EXOC4: variants seen among roughly 807,000 people sequenced by gnomAD.
EXOC4 encodes SEC8-like 1.
Under a neutral mutation model 107.2 loss-of-function variants are expected in EXOC4, and 71 were observed. That is an observed-to-expected ratio of 0.66 (90% confidence interval 0.55 to 0.81). EXOC4 has a LOEUF of 0.81. EXOC4 is among the 30% of genes least tolerant of loss of function. EXOC4 has a pLI of 0.00. For synonymous variants in EXOC4, 456 were observed against 441.2 expected, an observed-to-expected ratio of 1.03 and a Z score of -0.42; for missense variants, 1,108 against 1,189.6, an observed-to-expected ratio of 0.93 and a Z score of 1.01.
chr7:133,812,798 A>G (rs992225485), intron 10 of EXOC4, among the ~76,000 whole-genome samples: 1 of 152,102 alleles, frequency 6.6e-6, no homozygotes, highest in Non-Finnish European at 1.5e-5. Flanking sequence ...ACACATTGTT[A>G]CTAACTATAG....
chr7:133,869,150 A>G (rs1798702042), intron 11 of EXOC4, among the ~76,000 whole-genome samples: 1 of 151,960 alleles, frequency 6.6e-6, no homozygotes, highest in South Asian at 2.1e-4. Context: ...AACGGCACTC[A>G]TATATACCTC....
chr7:133,620,830 G>A (rs776161378), intron 9 of EXOC4, among the ~76,000 whole-genome samples: 14 of 152,206 alleles, frequency 9.2e-5, no homozygotes, highest in Non-Finnish European at 1.6e-4. Context: ...GTTAAAGAGT[G>A]GAAAGAGAAG....
intron 4 of EXOC4, among the ~76,000 whole-genome samples, chr7:133,309,168 G>A (rs867488813): frequency 7.2e-5 from 11 of 152,174 alleles, no homozygotes; most frequent in Middle Eastern, 3.4e-3. Context: ...TCTAGCCCTG[G>A]GTGGGGTGCC....
chr7:133,794,266 C>A (rs183329295), intron 10 of EXOC4, among the ~76,000 whole-genome samples: 1 of 152,094 alleles, frequency 6.6e-6, no homozygotes, highest in East Asian at 1.9e-4. Context: ...CATGTACATT[C>A]GGGAGACATC....
At chr7:133,750,788 C>A (rs1795779903) in intron 10 of EXOC4, among the ~76,000 whole-genome samples, 1 of 152,022 alleles carries the variant, frequency 6.6e-6, no homozygotes, top group African/African-American at 2.4e-5. Context: ...CCTATGTTGC[C>A]CAAGCTGGTC....
At chr7:133,801,414 C>T (rs937179241) in intron 10 of EXOC4, among the ~76,000 whole-genome samples, 1 of 152,140 alleles carries the variant, frequency 6.6e-6, no homozygotes, top group South Asian at 2.1e-4. Flanking sequence ...CTAAATGAGG[C>T]TCTTCTTCAA....
At chr7:133,596,886 T>G (rs1270085069) in intron 9 of EXOC4, among the ~76,000 whole-genome samples, 1 of 152,200 alleles carries the variant, frequency 6.6e-6, no homozygotes, top group African/African-American at 2.4e-5. Flanking sequence ...TGCTTGTATC[T>G]ATTTATGGCC....
intron 10 of EXOC4, among the ~76,000 whole-genome samples, chr7:133,696,059 G>A (rs1483362418): frequency 6.6e-6 from 1 of 152,162 alleles, no homozygotes; most frequent in Admixed American, 6.5e-5. Flanking sequence ...GGCATTTAAA[G>A]CATGACAGTG....
chr7:133,395,639 G>T (rs1432190951), intron 7 of EXOC4, among the ~76,000 whole-genome samples: 1 of 151,956 alleles, frequency 6.6e-6, no homozygotes. Flanking sequence ...GAGTTTTACT[G>T]CTCAGTAGAA....
At chr7:133,677,416 G>A (rs1273612048) in intron 10 of EXOC4, among the ~76,000 whole-genome samples, 1 of 151,980 alleles carries the variant, frequency 6.6e-6, no homozygotes, top group Non-Finnish European at 1.5e-5. Context: ...CACAGAGAAT[G>A]TATACTAGAA....
rs901273147 is a variant in EXOC4 at position 133,326,945 on chromosome 7, G to A, written c.763+9555G>A. On this transcript the variant is annotated intron_variant, in intron 5 of 17. Coordinates refer to ENST00000253861, the MANE Select transcript of EXOC4 (RefSeq NM_021807.4). ...CCCCAGCCTTGCTGCTGCCTTGCAG[G>A]TCAATCTCAGACTGCTGTGCTAGCA... 2.6e-5 allele frequency among the ~76,000 whole-genome samples: 4 copies of A among 152,318 alleles called. No individual in the cohort carries two copies. In the South Asian group the frequency reaches 6.2e-4, roughly 24 times the overall value.
chr7:134,046,947 T>C (rs964320100), intron 17 of EXOC4, among the ~76,000 whole-genome samples: 2 of 152,168 alleles, frequency 1.3e-5, no homozygotes, highest in Non-Finnish European at 2.9e-5. Context: ...GGACTCCTAA[T>C]TGTGACAAAG....
chr7:133,530,404 G>A (rs1279828511), intron 9 of EXOC4, among the ~76,000 whole-genome samples: 2 of 152,134 alleles, frequency 1.3e-5, no homozygotes, highest in African/African-American at 4.8e-5. Context: ...ACACACCTAG[G>A]CTACATGGTT....
At chr7:133,919,878 T>C (rs2116646493) in intron 13 of EXOC4, among the ~76,000 whole-genome samples, 1 of 152,328 alleles carries the variant, frequency 6.6e-6, no homozygotes, top group South Asian at 2.1e-4. Context: ...TGGATGCAGG[T>C]TTTTAACTCA....
the EXOC4 span, among the ~76,000 whole-genome samples, chr7:134,077,717 G>A: frequency 6.6e-6 from 1 of 152,216 alleles, no homozygotes; most frequent in East Asian, 1.9e-4. Context: ...AGACAGGATT[G>A]CACATGACTG....
In EXOC4 at chr7:133,274,966, T is replaced by C; in HGVS notation, c.87-16T>C. 1 of 1,564,254 alleles carries C rather than the reference T, an allele frequency of 6.4e-7. No homozygotes were observed. Among genetic ancestry groups the C allele is most frequent in the South Asian group, 1.2e-5 (1 of 82,442 alleles). On this transcript the variant is annotated splice_polypyrimidine_tract_variant and intron_variant, in intron 1 of 17. Coordinates refer to ENST00000253861, the MANE Select transcript of EXOC4 (RefSeq NM_021807.4). The stretch of plus-strand genomic sequence containing the variant: ...TCAAGTTTTACTTAGCTTGATATAC[T>C]CTCTGCCTTCACCAGGACTCTGTCT...
intron 11 of EXOC4, among the ~76,000 whole-genome samples, chr7:133,844,812 C>T (rs540797708): frequency 1.1e-4 from 17 of 152,094 alleles, no homozygotes; most frequent in Non-Finnish European, 1.3e-4. Context: ...GTGTTTGTAA[C>T]CAAGCTTAGA....
intron 7 of EXOC4, 131 bp downstream of exon 7, chr7:133,375,133 C>A (rs1408130752): frequency 5.5e-6 from 4 of 730,832 alleles, no homozygotes; most frequent in Non-Finnish European, 6.5e-6. Context: ...GTAATGCTTG[C>A]ATTTGAATGT....
chr7:133,280,096 TACAGGC>T (rs1475514638), intron 2 of EXOC4, among the ~76,000 whole-genome samples: 1 of 152,150 alleles, frequency 6.6e-6, no homozygotes, highest in Admixed American at 6.5e-5. Context: ...TAGGTGGTAT[TACAGGC>T]ACTCACAACC....
Sources: allele counts gnomAD v4.1 joint callset (sites outside exome capture counted in the v4.1 genomes callset), GRCh38; gene constraint gnomAD v4.1.1; transcripts MANE v1.5; gene names NCBI Gene and HGNC (gene_info 2026-07-23, HGNC 2026-07-21).